HNMT: variants seen among roughly 807,000 people sequenced by gnomAD.
HNMT encodes histamine N-methyltransferase.
HNMT carries 30 observed loss-of-function variants against 32.1 expected under a neutral mutation model. The ratio of observed to expected loss-of-function variants is 0.93; its 90% CI spans 0.70 to 1.27. HNMT has a LOEUF of 1.27. Ranked by LOEUF, HNMT falls within the 50% of genes most tolerant of loss-of-function variation. The probability of loss-of-function intolerance (pLI) is 0.00; values close to 1 mark genes in which losing one functional copy is unlikely to be tolerated. For synonymous variants in HNMT, 125 were observed against 119.0 expected (o/e 1.05, Z -0.33); for missense variants, 327 against 346.0 (o/e 0.95, Z 0.43).
intron 2 of HNMT, among the ~76,000 whole-genome samples, chr2:137,987,017 A>G (rs1680670556): frequency 6.6e-6 from 1 of 152,366 alleles, no homozygotes; most frequent in East Asian, 1.9e-4. Flanking sequence ...AAAGAAAAAA[A>G]GAAAGAAAAT....
intron 2 of HNMT, among the ~76,000 whole-genome samples, chr2:137,972,641 T>C (rs1456249114): frequency 6.6e-6 from 1 of 152,204 alleles, no homozygotes; most frequent in Non-Finnish European, 1.5e-5. Flanking sequence ...ATTATAATAG[T>C]TATGAATTGT....
intron 2 of HNMT, among the ~76,000 whole-genome samples, chr2:137,985,755 T>C (rs935025497): frequency 2.0e-5 from 3 of 152,244 alleles, no homozygotes; most frequent in African/African-American, 4.8e-5. Context: ...ATATAAGGTA[T>C]AGTCACATCT....
intron 5 of HNMT, among the ~76,000 whole-genome samples, chr2:138,006,930 GTAT>G (rs1411725525): frequency 6.6e-6 from 1 of 151,896 alleles, no homozygotes; most frequent in Non-Finnish European, 1.5e-5. Flanking sequence ...TTTTTGAAAA[GTAT>G]TTTTAGTCAA....
chr2:137,966,110 T>C (rs1679950230), intron 1 of HNMT, among the ~76,000 whole-genome samples: 1 of 152,212 alleles, frequency 6.6e-6, no homozygotes, highest in Admixed American at 6.5e-5. Context: ...CTATAAGTTA[T>C]GAAGTACCAA....
Position 137,972,848 on chromosome 2 carries a change from T to A in HNMT, c.190+2631T>A, listed in dbSNP as rs115097685. ...GGCCAAGTTAATTGACCTTTTAATA[T>A]AAAGTTAATTGAATTTCTAATGCAA... On this transcript the variant is annotated intron_variant, in intron 2 of 5. Coordinates refer to ENST00000280097, the MANE Select transcript of HNMT (RefSeq NM_006895.3). Among the ~76,000 whole-genome samples the A allele has an allele frequency of 6.8e-3, 1,030 of 152,296 alleles. 7 individuals are homozygous for A. The highest frequency in any genetic ancestry group is 0.024 in the African/African-American group (977 of 41,564).
intron 4 of HNMT, among the ~76,000 whole-genome samples, chr2:138,004,221 G>T (rs1405699852): frequency 6.6e-6 from 1 of 152,066 alleles, no homozygotes; most frequent in Non-Finnish European, 1.5e-5. Flanking sequence ...TTGGGTACCT[G>T]CCTATGGTCC....
At chr2:137,981,551 A>T (rs1680500886) in intron 2 of HNMT, 2 of 597,990 alleles carry the variant, frequency 3.3e-6, no homozygotes, top group African/African-American at 3.7e-5. Context: ...TGCCTGTTTT[A>T]TTCACTGCTA....
intron 5 of HNMT, among the ~76,000 whole-genome samples, chr2:138,012,982 C>T (rs989708182): frequency 2.0e-5 from 3 of 152,194 alleles, no homozygotes; most frequent in South Asian, 2.1e-4. Flanking sequence ...CTCTTCCCAT[C>T]GGTGAGGCCA....
chr2:138,010,653 T>C (rs1681475993), intron 5 of HNMT, among the ~76,000 whole-genome samples: 1 of 152,128 alleles, frequency 6.6e-6, no homozygotes, highest in South Asian at 2.1e-4. Flanking sequence ...TCTGTGTTTC[T>C]AAATATCCAT....
intron 5 of HNMT, among the ~76,000 whole-genome samples, chr2:138,013,470 T>A (rs1681571379): frequency 6.6e-6 from 1 of 152,110 alleles, no homozygotes; most frequent in South Asian, 2.1e-4. Flanking sequence ...GATATCTCCA[T>A]GTCTTGCTGT....
chr2:137,993,160 C>T (rs1405762026), intron 2 of HNMT, among the ~76,000 whole-genome samples: 1 of 152,148 alleles, frequency 6.6e-6, no homozygotes, highest in Non-Finnish European at 1.5e-5. Context: ...CAAATGATTT[C>T]AACCTTTCTC....
intron 2 of HNMT, among the ~76,000 whole-genome samples, chr2:137,974,217 T>C (rs983373751): frequency 1.3e-5 from 2 of 152,204 alleles, no homozygotes; most frequent in African/African-American, 4.8e-5. Flanking sequence ...TGTTCATGTA[T>C]ATGAGTTTGT....
chr2:137,984,327 C>T (rs2104947936), intron 2 of HNMT, among the ~76,000 whole-genome samples: 1 of 152,316 alleles, frequency 6.6e-6, no homozygotes, highest in South Asian at 2.1e-4. Context: ...TCTATATTCT[C>T]AGTGGCCTGG....
In HNMT at chr2:138,015,202, A is replaced by G. The variant is rs553274998; in HGVS notation, c.*1072A>G. ...ACAAATTTGATGTTTCTTATTTTTA[A>G]TAATAACGCTCTGTTATTTTTGACA... On this transcript the variant is annotated 3_prime_UTR_variant, in exon 6 of 6. Coordinates refer to ENST00000280097, the MANE Select transcript of HNMT (RefSeq NM_006895.3). 2.6e-5 allele frequency: 4 copies of G among 152,204 alleles called. No homozygotes were observed. Among genetic ancestry groups the G allele is most frequent in the Non-Finnish European group, 5.9e-5 (4 of 68,006 alleles). 9.4% of individuals were successfully genotyped at this position (152,204 alleles called of 1,614,324 possible).
At chr2:137,976,730 A>G (rs1340828305) in intron 2 of HNMT, among the ~76,000 whole-genome samples, 1 of 152,252 alleles carries the variant, frequency 6.6e-6, no homozygotes, top group Non-Finnish European at 1.5e-5. Flanking sequence ...TTACATAAAC[A>G]CAGTTATAGT....
chr2:137,976,009 G>A (rs1449743434), intron 2 of HNMT, among the ~76,000 whole-genome samples: 2 of 152,194 alleles, frequency 1.3e-5, no homozygotes, highest in African/African-American at 4.8e-5. Flanking sequence ...GCTCACGCCT[G>A]TAATCCCAGT....
At chr2:137,993,855 G>C (rs1209150694) in intron 2 of HNMT, among the ~76,000 whole-genome samples, 1 of 152,072 alleles carries the variant, frequency 6.6e-6, no homozygotes, top group Non-Finnish European at 1.5e-5. Context: ...AAAAGATTGG[G>C]GGCCAATATT....
At chr2:137,989,861 CT>C (rs1680767102) in intron 2 of HNMT, among the ~76,000 whole-genome samples, 1 of 152,022 alleles carries the variant, frequency 6.6e-6, no homozygotes, top group Non-Finnish European at 1.5e-5. Context: ...TGAAATATCT[CT>C]TTATATATTT....
At chr2:137,970,077 A>C in intron 1 of HNMT, 88 bp from the exon 2 acceptor site, 1 of 669,026 alleles carries the variant, frequency 1.5e-6, no homozygotes, top group Non-Finnish European at 2.6e-6. Flanking sequence ...TTGTATTTTT[A>C]GTCTGTTCTC....
Sources: gnomAD v4.1 joint callset for allele counts (sites outside exome capture counted in the v4.1 genomes callset) on GRCh38, gnomAD v4.1.1 for gene constraint, MANE v1.5 for transcripts, NCBI Gene and HGNC (gene_info 2026-07-23, HGNC 2026-07-21) for gene names.